CNGA1: variants seen among roughly 807,000 people sequenced by gnomAD.
CNGA1 encodes cyclic nucleotide gated channel subunit alpha 1.
CNGA1 carries 53 observed loss-of-function variants against 69.7 expected under a neutral mutation model. The observed-to-expected ratio is 0.76, with a 90% CI of 0.61 to 0.96. CNGA1 has a LOEUF of 0.96. Among genes scored for constraint, CNGA1 ranks in the 40% least tolerant of loss-of-function variants. The pLI is 0.00. For missense variants in CNGA1, 739 were observed against 811.2 expected, an observed-to-expected ratio of 0.91 and a Z score of 1.08; for synonymous variants, 249 against 283.5, an observed-to-expected ratio of 0.88 and a Z score of 1.22.
chr4:47,966,014 A>T (rs1458240419), intron 3 of CNGA1, among the ~76,000 whole-genome samples: 2 of 152,224 alleles, frequency 1.3e-5, no homozygotes, highest in African/African-American at 2.4e-5. Context: ...AAAGAGAAAC[A>T]ATTGCTTTGG....
chr4:48,015,134 C>T (rs1355056597), intron 1 of CNGA1, among the ~76,000 whole-genome samples: 2 of 152,092 alleles, frequency 1.3e-5, no homozygotes, highest in Non-Finnish European at 2.9e-5. Context: ...GCCGAGATCG[C>T]GCCACTGCAC....
chr4:47,952,220 T>G (rs950213054), intron 4 of CNGA1, among the ~76,000 whole-genome samples: 8 of 151,660 alleles, frequency 5.3e-5, no homozygotes, highest in Admixed American at 3.3e-4. Flanking sequence ...AAAAAAAAAT[T>G]AGCCTGGTGT....
chr4:47,946,811 G>A (rs1739424143), intron 6 of CNGA1, among the ~76,000 whole-genome samples: 1 of 151,426 alleles, frequency 6.6e-6, no homozygotes. Flanking sequence ...TTTTTGAGGA[G>A]TCTTGCTCTG....
intron 3 of CNGA1, among the ~76,000 whole-genome samples, chr4:47,960,943 G>T (rs1160441135): frequency 6.6e-6 from 1 of 152,148 alleles, no homozygotes; most frequent in African/African-American, 2.4e-5. Flanking sequence ...GAACTTTCTG[G>T]AATGAAAATT....
At chr4:47,969,404 G>T (rs545145978) in intron 3 of CNGA1, among the ~76,000 whole-genome samples, 1 of 152,054 alleles carries the variant, frequency 6.6e-6, no homozygotes, top group Non-Finnish European at 1.5e-5. Flanking sequence ...AAACTGATTC[G>T]GAGACTGGGA....
In CNGA1 at chr4:47,937,665, G is replaced by GT. The variant is rs767994904; in HGVS notation, c.816dup (p.Arg273ThrfsTer7). ...AAGAACTCAAACATACGAGAGAACC[G>GT]TAACAACCTGTTTAATCTAATTTCT... On this transcript the variant is annotated frameshift_variant, in exon 11 of 11. Coordinates refer to ENST00000514170, the MANE Select transcript of CNGA1 (RefSeq NM_001379270.1). LOFTEE classifies it high-confidence loss of function. 2 of 1,614,084 alleles carry GT rather than the reference G, an allele frequency of 1.2e-6. No individual in the cohort carries two copies. Among genetic ancestry groups the GT allele is most frequent in the Non-Finnish European group, 1.7e-6 (2 of 1,180,008 alleles).
chr4:48,007,921 C>T (rs6447606), intron 2 of CNGA1, among the ~76,000 whole-genome samples: 5 of 151,948 alleles, frequency 3.3e-5, no homozygotes, highest in Admixed American at 1.3e-4. Context: ...TTGAAGGAAA[C>T]CATTATTATT....
intron 2 of CNGA1, among the ~76,000 whole-genome samples, chr4:47,994,146 T>C (rs1742384864): frequency 6.6e-6 from 1 of 152,170 alleles, no homozygotes; most frequent in South Asian, 2.1e-4. Flanking sequence ...AGAATGTATA[T>C]TCTGCAGTTG....
At chr4:47,961,838 A>G (rs1190554808) in intron 3 of CNGA1, among the ~76,000 whole-genome samples, 1 of 152,238 alleles carries the variant, frequency 6.6e-6, no homozygotes, top group Non-Finnish European at 1.5e-5. Flanking sequence ...ACTTTATTTA[A>G]TTTTAACTAT....
intron 2 of CNGA1, among the ~76,000 whole-genome samples, chr4:47,993,945 A>T (rs1742378856): frequency 6.6e-6 from 1 of 152,158 alleles, no homozygotes; most frequent in Non-Finnish European, 1.5e-5. Context: ...CCCAGTGATC[A>T]TTCAGGAGCA....
At chr4:48,005,329 G>A (rs1273474381) in intron 2 of CNGA1, among the ~76,000 whole-genome samples, 1 of 151,904 alleles carries the variant, frequency 6.6e-6, no homozygotes, top group African/African-American at 2.4e-5. Context: ...TCTTGGCCAG[G>A]CTGGTCTCGA....
chr4:48,011,412 TACAC>T lies in CNGA1; in HGVS notation c.-222-523_-222-520del, dbSNP rs60964628. ...GCACACATGCACACACATGCACACA[TACAC>T]ACACACACACACACATCTTGGATGT... is the stretch of plus-strand genomic sequence containing the variant. On this transcript the variant is annotated intron_variant, in intron 1 of 10. Transcript: ENST00000514170. Among the ~76,000 whole-genome samples the T allele has an allele frequency of 2.3e-3, 351 of 150,488 alleles. 2 individuals carry two copies. Among genetic ancestry groups the T allele is most frequent in the African/African-American group, 7.6e-3 (314 of 41,120 alleles).
In CNGA1 at chr4:47,937,194, C is replaced by A. The variant is rs892301890; in HGVS notation, c.1288G>T (p.Val430Phe). The part of the protein sequence containing the change: ...RNVSKDMEKR[V>F]IKWFDYLWTN... ...CACAGGTAGTCAAACCATTTAATAA[C>A]CCTCTTTTCCATATCTTTGCTTACA... Residue 430 changes from valine to phenylalanine, a missense_variant, in exon 11 of 11, where the codon GTT becomes TTT. Physicochemically the swap from Val to Phe is conservative, Grantham distance 50 (BLOSUM62 -1). Coordinates refer to ENST00000514170, the MANE Select transcript of CNGA1 (RefSeq NM_001379270.1). 6.2e-7 allele frequency: 1 copy of A among 1,614,178 alleles called. No homozygotes were observed. The highest frequency in any genetic ancestry group is 8.5e-7 in the Non-Finnish European group (1 of 1,180,032).
At chr4:47,977,182 C>A (rs931352061) in intron 3 of CNGA1, among the ~76,000 whole-genome samples, 1 of 152,110 alleles carries the variant, frequency 6.6e-6, no homozygotes, top group Non-Finnish European at 1.5e-5. Context: ...GAGACAAGGC[C>A]TTTAAAGAGA....
At chr4:47,940,547 T>G (rs373170380) in intron 10 of CNGA1, among the ~76,000 whole-genome samples, 59 of 152,318 alleles carry the variant, frequency 3.9e-4, no homozygotes, top group African/African-American at 1.3e-3. Flanking sequence ...CACATCTACT[T>G]GTCAAAAAGT....
intron 3 of CNGA1, among the ~76,000 whole-genome samples, chr4:47,972,268 T>C (rs1395200852): frequency 6.6e-6 from 1 of 152,236 alleles, no homozygotes; most frequent in Non-Finnish European, 1.5e-5. Context: ...TTTATTTCTT[T>C]CCTACTAATG....
At chr4:47,968,006 A>G (rs1040108165) in intron 3 of CNGA1, among the ~76,000 whole-genome samples, 9 of 152,142 alleles carry the variant, frequency 5.9e-5, no homozygotes, top group African/African-American at 2.2e-4. Context: ...GCCAAGCAAT[A>G]AGTCTGTGCC....
Position 48,014,216 on chromosome 4 carries a change from G to A in CNGA1, c.-223+2267C>T, listed in dbSNP as rs368265229. 8.6e-4 allele frequency among the ~76,000 whole-genome samples: 131 copies of A among 152,148 alleles called. 2 individuals are homozygous for A. Among genetic ancestry groups the A allele is most frequent in the Middle Eastern group, 3.4e-3 (1 of 294 alleles). ...AGTTAAACAAACAACATGATTTTGC[G>A]GGGGAATAAATATCCCCCAACTTTA... is the stretch of plus-strand genomic sequence containing the variant. On this transcript the variant is annotated intron_variant, in intron 1 of 10. Transcript: ENST00000514170.
At chr4:47,952,187 AC>A (rs1739784164) in intron 4 of CNGA1, among the ~76,000 whole-genome samples, 1 of 149,842 alleles carries the variant, frequency 6.7e-6, no homozygotes, top group Non-Finnish European at 1.5e-5. Context: ...ATATGGCAAA[AC>A]CCTGTCTCTA....
Sources: allele counts gnomAD v4.1 joint callset (sites outside exome capture counted in the v4.1 genomes callset), GRCh38; gene constraint gnomAD v4.1.1; transcripts MANE v1.5; gene names NCBI Gene and HGNC (gene_info 2026-07-23, HGNC 2026-07-21).